The following BYSL variants were observed in gnomAD, a reference collection of about 807,000 sequenced individuals.
BYSL encodes bystin.
Under a neutral mutation model 45.4 loss-of-function variants are expected in BYSL, and 21 were observed. That is an observed-to-expected ratio of 0.46 (90% CI 0.33 to 0.67). BYSL has a LOEUF of 0.67. Ranked by LOEUF, BYSL falls within the 30% of genes least tolerant of loss-of-function variation. The pLI, the probability that BYSL is intolerant of heterozygous loss-of-function variation, is 0.02. For synonymous variants in BYSL, 215 were observed against 231.3 expected (o/e 0.93, Z 0.64); for missense variants, 522 against 578.5 (o/e 0.90, Z 1.00).
chr6:41,931,064 T>G (rs915392844), intron 4 of BYSL, among the ~76,000 whole-genome samples: 1 of 91,566 alleles, frequency 1.1e-5, no homozygotes, highest in Non-Finnish European at 2.3e-5. Flanking sequence ...GCCACTGGGA[T>G]ACAACCCTGT....
At chr6:41,914,911 TAAAC>T in the BYSL span, among the ~76,000 whole-genome samples, 1 of 152,156 alleles carries the variant, frequency 6.6e-6, no homozygotes, top group Non-Finnish European at 1.5e-5. Flanking sequence ...AAAAGAATCA[TAAAC>T]AAAGACTTCT....
At chr6:41,911,985 GGT>G in the BYSL span, among the ~76,000 whole-genome samples, 56 of 151,986 alleles carry the variant, frequency 3.7e-4, no homozygotes, top group South Asian at 8.5e-3. Flanking sequence ...TCAACTAAGG[GGT>G]GTGTGTGTGC....
At chr6:41,917,730 T>C (rs1775351971), upstream of BYSL, 1 of 469,790 alleles carries the variant, frequency 2.1e-6, no homozygotes, top group Non-Finnish European at 4.4e-6. Flanking sequence ...GGGATTCCTT[T>C]TGCAACTCTT....
At chr6:41,921,435 C>T (rs1048955140), upstream of BYSL, 3 of 1,347,034 alleles carry the variant, frequency 2.2e-6, no homozygotes, top group Admixed American at 2.9e-5. Context: ...CGCTTCTGGC[C>T]TCCGAATGCT....
chr6:41,916,961 C>A (rs1476523545), upstream of BYSL: 11 of 1,613,162 alleles, frequency 6.8e-6, no homozygotes, highest in South Asian at 1.2e-4. Flanking sequence ...AGCACCAAAT[C>A]GTCAGTTATC....
At chr6:41,925,643 G>C (rs200504507) in intron 1 of BYSL, among the ~76,000 whole-genome samples, 1 of 151,860 alleles carries the variant, frequency 6.6e-6, no homozygotes, top group Non-Finnish European at 1.5e-5. Flanking sequence ...GATTACAGGC[G>C]TGAGCCACCG....
intron 1 of BYSL, among the ~76,000 whole-genome samples, chr6:41,923,847 G>T (rs559844353): frequency 1.3e-5 from 2 of 152,190 alleles, no homozygotes; most frequent in Non-Finnish European, 2.9e-5. Context: ...TTTCCTCTTT[G>T]CCCATTCCAC....
At chr6:41,915,545 C>T in the BYSL span, among the ~76,000 whole-genome samples, 3 of 151,620 alleles carry the variant, frequency 2.0e-5, no homozygotes, top group Non-Finnish European at 4.4e-5. Flanking sequence ...CCCAGCACTT[C>T]GGGAGGCCGA....
chr6:41,916,882 A>G, upstream of BYSL: 1 of 1,614,094 alleles, frequency 6.2e-7, no homozygotes, highest in Non-Finnish European at 8.5e-7. Flanking sequence ...ATTTCCGGGT[A>G]AGGAGCTCTA....
chr6:41,916,001 CT>C, the BYSL span, among the ~76,000 whole-genome samples: 3 of 151,914 alleles, frequency 2.0e-5, no homozygotes, highest in Non-Finnish European at 2.9e-5. Context: ...AATCCCAGTA[CT>C]TTGGGAAGCT....
rs1351800715 is a variant in BYSL, at chr6:41,932,455, C to T, written c.1063C>T (p.Arg355Trp). The change falls in exon 7 of 7, where the codon CGG (arginine) becomes TGG (tryptophan). Residue 355 changes from arginine (R) to tryptophan (W), a missense_variant. Coordinates refer to ENST00000230340, the MANE Select transcript of BYSL (RefSeq NM_004053.4). The surrounding 1 kb of genome is among the most constrained non-coding windows in gnomAD (Gnocchi z 4.7). ...LLDKKYALPY[R>W]VLDALVFHFL... ...GGATAAGAAGTATGCACTGCCTTAC[C>T]GGGTGCTGGATGCCCTAGTCTTCCA... 11 of 1,614,044 alleles carry T rather than the reference C, an allele frequency of 6.8e-6. No individual in the cohort carries two copies. Among genetic ancestry groups the T allele is most frequent in the African/African-American group, 1.3e-5 (1 of 74,918 alleles).
In BYSL at chr6:41,930,150, C is replaced by G; in HGVS notation, c.450C>G (p.Ile150Met). ...NPPARRTLAD[I>M]IMEKLTEKQT... Reference sequence around the variant, plus strand: ...CTCTTAGGCGCACCCTGGCTGACATCATCATGGAGAAGCTGACTGAGAAGC... The same window carrying G: ...CTCTTAGGCGCACCCTGGCTGACATGATCATGGAGAAGCTGACTGAGAAGC... The change falls in exon 3 of 7, where the codon ATC (isoleucine) becomes ATG (methionine). Residue 150 changes from isoleucine (I) to methionine (M), a missense_variant. Transcript: ENST00000230340. 6.2e-7 allele frequency: 1 copy of G among 1,614,090 alleles called. No homozygotes were observed. The highest frequency in any genetic ancestry group is 8.5e-7 in the Non-Finnish European group (1 of 1,179,956).
At chr6:41,909,924 A>G in the BYSL span, among the ~76,000 whole-genome samples, 1 of 152,230 alleles carries the variant, frequency 6.6e-6, no homozygotes. Flanking sequence ...GCATTTGGGC[A>G]TGCCAAAGGA....
the BYSL span, among the ~76,000 whole-genome samples, chr6:41,912,199 C>CTTTTTTTTTT: frequency 8.4e-6 from 1 of 119,294 alleles, no homozygotes. Flanking sequence ...CCATGCCCAC[C>CTTTTTTTTTT]TTTTTTTTTT....
intron 2 of BYSL, 70 bp downstream of exon 2, chr6:41,927,606 A>T (rs1220456573): frequency 1.9e-6 from 3 of 1,575,026 alleles, no homozygotes; most frequent in Non-Finnish European, 2.6e-6. Flanking sequence ...TCCCTGGCAG[A>T]CTTATGATTC....
At chr6:41,919,037 G>A (rs1408990256), upstream of BYSL, among the ~76,000 whole-genome samples, 1 of 149,746 alleles carries the variant, frequency 6.7e-6, no homozygotes, top group Non-Finnish European at 1.5e-5. Context: ...GCTGAGGCAG[G>A]AGAATGGCAT....
rs1775651173 is a variant in BYSL, at chr6:41,932,262, C to G, written c.969-99C>G. 39 of 1,180,930 alleles carry G rather than the reference C, an allele frequency of 3.3e-5. 1 individual carries two copies. The South Asian group carries it at 4.3e-4, about 13-fold the overall frequency. The allele number at this position is 1,180,930 out of a possible 1,614,324, so 73.2% of individuals were successfully genotyped here. On this transcript the variant is annotated intron_variant, in intron 6 of 6. Transcript: ENST00000230340. This position sits in a 1 kb window ranked among gnomAD's most constrained non-coding sequence, Gnocchi z 4.7. Reference sequence around the variant, plus strand: ...GGGAATACCATAGTGTAAGGGCCAGCAGAGGGGAAGAAAAAAAGGGGAAAG... The same window carrying G: ...GGGAATACCATAGTGTAAGGGCCAGGAGAGGGGAAGAAAAAAAGGGGAAAG...
the BYSL span, chr6:41,909,503 C>T: frequency 1.9e-6 from 3 of 1,614,096 alleles, no homozygotes; most frequent in African/African-American, 1.3e-5. Context: ...GCATCACATA[C>T]ATCAGCTTCC....
In BYSL at chr6:41,932,856, C is replaced by T; in HGVS notation, c.*150C>T. 1.2e-6 allele frequency: 1 copy of T among 843,946 alleles called. No homozygotes were observed. The highest frequency in any genetic ancestry group is 1.8e-5 in the South Asian group (1 of 55,110). 52.3% of individuals were successfully genotyped at this position (843,946 alleles called of 1,614,324 possible). Reference sequence around the variant, plus strand: ...GACATCTGTGGCTCCCAGTCCAGGACAGGAAGGACTGAGGGTCTGGCTGGT... The same window carrying T: ...GACATCTGTGGCTCCCAGTCCAGGATAGGAAGGACTGAGGGTCTGGCTGGT... On this transcript the variant is annotated 3_prime_UTR_variant, in exon 7 of 7. Coordinates refer to ENST00000230340, the MANE Select transcript of BYSL (RefSeq NM_004053.4). The surrounding 1 kb of genome is among the most constrained non-coding windows in gnomAD (Gnocchi z 4.7).
Sources: gnomAD v4.1 joint callset for allele counts (sites outside exome capture counted in the v4.1 genomes callset) on GRCh38, gnomAD v4.1.1 for gene constraint, Gnocchi (gnomAD v3.1) non-coding constraint, MANE v1.5 for transcripts, NCBI Gene and HGNC (gene_info 2026-07-23, HGNC 2026-07-21) for gene names.